PCM1: variants seen among roughly 807,000 people sequenced by gnomAD.
PCM1 encodes pericentriolar material 1 protein.
A neutral mutation model predicts 241.9 loss-of-function variants in PCM1; 157 were observed. The observed-to-expected ratio is 0.65, with a 90% CI of 0.57 to 0.74. PCM1 has a LOEUF of 0.74. PCM1 is among the 30% of genes least tolerant of loss of function. The pLI is 0.00. For missense variants in PCM1, 3,478 were observed against 2,360.1 expected (o/e 1.47, Z -9.81); for synonymous variants, 1,085 against 784.9 (o/e 1.38, Z -6.39).
intron 6 of PCM1, among the ~76,000 whole-genome samples, chr8:17,943,230 C>T (rs1352496733): frequency 1.5e-5 from 2 of 133,866 alleles, no homozygotes; most frequent in African/African-American, 5.5e-5. Context: ...GGTAAAACTT[C>T]ACCTCTAGTA....
At chr8:17,962,832 G>C (rs2073086495) in intron 16 of PCM1, 2 of 238,416 alleles carry the variant, frequency 8.4e-6, no homozygotes, top group Non-Finnish European at 1.6e-5. Flanking sequence ...GAACCTGGGA[G>C]GCAGAGGTTG....
Position 17,952,944 on chromosome 8 carries a change from C to T in PCM1, c.1072-26C>T, listed in dbSNP as rs200875267. ...TTTAATTGCGTTAGTCTTAATTCTT[C>T]TTTTTTGTTGTTTTTTTTTAATAAG... On this transcript the variant is annotated intron_variant, in intron 8 of 38. Coordinates refer to ENST00000325083, the MANE Select transcript of PCM1 (RefSeq NM_006197.4). 1,102 of 1,412,018 alleles carry T rather than the reference C, an allele frequency of 7.8e-4. 10 individuals are homozygous for T. The African/African-American group carries it at 0.014, about 18-fold the overall frequency. 87.5% of individuals were successfully genotyped at this position (1,412,018 alleles called of 1,614,324 possible). A position where few individuals can be genotyped will look rare whatever the true frequency, so the allele number is the denominator to read the frequency against.
chr8:18,027,149 G>C (rs1203804953), intron 38 of PCM1, among the ~76,000 whole-genome samples: 1 of 152,110 alleles, frequency 6.6e-6, no homozygotes, highest in African/African-American at 2.4e-5. Flanking sequence ...TGAGGAGAAG[G>C]AAAGACCCTT....
intron 29 of PCM1, among the ~76,000 whole-genome samples, chr8:18,001,827 C>T (rs1238287542): frequency 1.3e-5 from 2 of 151,962 alleles, no homozygotes; most frequent in Middle Eastern, 3.4e-3. Context: ...TGAGAAAGCA[C>T]CTGTAGAAAC....
chr8:17,955,312 T>A (rs2067776438), intron 9 of PCM1, among the ~76,000 whole-genome samples, 158 bp from the exon 10 acceptor site: 1 of 152,172 alleles, frequency 6.6e-6, no homozygotes, highest in Non-Finnish European at 1.5e-5. Flanking sequence ...TGTGTTTAAT[T>A]GTGGAGTAAG....
chr8:18,010,651 A>G lies in PCM1; in HGVS notation c.5203A>G (p.Ile1735Val). The G allele has an allele frequency of 6.2e-7, 1 of 1,601,984 alleles. No homozygotes were observed. The highest frequency in any genetic ancestry group is 1.1e-5 in the South Asian group (1 of 88,684). Residue 1735 changes from isoleucine (I) to valine (V), a missense_variant, in exon 32 of 39, where the codon ATT (isoleucine) becomes GTT (valine). By Grantham distance (29) the Ile-to-Val change is conservative (BLOSUM62 3). Coordinates refer to ENST00000325083, the MANE Select transcript of PCM1 (RefSeq NM_006197.4). ...AGATCATGGCTCACCTGCTGGAGAG[A>G]TTGATGATGAAGACAAAGTATGTGC... ...LEDHGSPAGE[I>V]DDEDKDKDET...
chr8:17,940,958 G>A (rs1355211340), intron 6 of PCM1, among the ~76,000 whole-genome samples: 1 of 152,132 alleles, frequency 6.6e-6, no homozygotes, highest in African/African-American at 2.4e-5. Context: ...TGTTCAAAAT[G>A]CCATTCAGCA....
Position 17,956,685 on chromosome 8 carries a change from A to C in PCM1, c.1554A>C (p.Thr518=). 1 of 1,601,368 alleles carries C rather than the reference A, an allele frequency of 6.2e-7. No individual in the cohort carries two copies. The highest frequency in any genetic ancestry group is 1.1e-5 in the South Asian group (1 of 89,866). The change falls in exon 11 of 39, where the codon ACA becomes ACC. Residue 518 remains threonine, a synonymous_variant. Transcript: ENST00000325083. The part of the protein sequence containing the change: ...HYYEQTSDMM[T]DAVNENRKDE... ...ATGAACAAACGTCAGACATGATGACAGATGCTGTGAATGAAAACAGGAAAG... is the reference window on the plus strand; with the variant it reads ...ATGAACAAACGTCAGACATGATGACCGATGCTGTGAATGAAAACAGGAAAG...
At chr8:17,929,364 C>T (rs948515880) in intron 2 of PCM1, among the ~76,000 whole-genome samples, 1 of 152,172 alleles carries the variant, frequency 6.6e-6, no homozygotes, top group Non-Finnish European at 1.5e-5. Context: ...TATTTAAGAT[C>T]TGGTCTTCTC....
chr8:17,930,607 G>A (rs1412686102), intron 2 of PCM1, among the ~76,000 whole-genome samples: 5 of 151,692 alleles, frequency 3.3e-5, no homozygotes, highest in Admixed American at 6.6e-5. Flanking sequence ...GGCCGGGTGC[G>A]GTGGCTCACG....
At position 17,969,764 on chromosome 8, in the gene PCM1, A is replaced by C. The variant is rs369369981; in HGVS notation, c.3584+16A>C. Reference sequence around the variant, plus strand: ...AGAAACCAAGGTACTGATTGTAAACAGTCTTTTATTGCTTAAACATTCACT... The same window carrying C: ...AGAAACCAAGGTACTGATTGTAAACCGTCTTTTATTGCTTAAACATTCACT... On this transcript the variant is annotated intron_variant, in intron 22 of 38. Transcript: ENST00000325083. The C allele has an allele frequency of 1.9e-6, 3 of 1,566,046 alleles. No homozygotes were observed. The highest frequency in any genetic ancestry group is 2.7e-5 in the African/African-American group (2 of 73,346).
rs184143055 is a variant in PCM1, at chr8:18,029,067, C to T, written c.*1405C>T. The T allele has an allele frequency of 1.2e-3, 204 of 174,888 alleles. 1 individual carries two copies. The highest frequency in any genetic ancestry group is 4.7e-3 in the Admixed American group (72 of 15,430). The allele number at this position is 174,888 out of a possible 1,614,324, so 10.8% of individuals were successfully genotyped here. ...TTGGGAGGCTAAGGCAGGAGAATAG[C>T]CTGAACCCGGGAGGTGGAGGTTGCA... is the stretch of plus-strand genomic sequence containing the variant. On this transcript the variant is annotated 3_prime_UTR_variant, in exon 39 of 39. Coordinates refer to ENST00000325083, the MANE Select transcript of PCM1 (RefSeq NM_006197.4).
intron 2 of PCM1, chr8:17,926,842 T>G (rs762410574): frequency 2.0e-5 from 3 of 152,174 alleles, no homozygotes; most frequent in African/African-American, 7.2e-5. Flanking sequence ...CAAAAACTTA[T>G]GATCAGAAAG....
At chr8:17,989,544 G>A (rs2083771125) in intron 26 of PCM1, among the ~76,000 whole-genome samples, 1 of 152,032 alleles carries the variant, frequency 6.6e-6, no homozygotes, top group South Asian at 2.1e-4. Flanking sequence ...ATAGGAGAAT[G>A]TCCCTGAGAG....
chr8:18,013,843 A>T, intron 34 of PCM1, 121 bp from the exon 35 acceptor site: 2 of 635,596 alleles, frequency 3.1e-6, no homozygotes, highest in Non-Finnish European at 5.5e-6. Flanking sequence ...GTTTTAGAAG[A>T]TACTTTTAAA....
chr8:18,017,828 G>A (rs954939596), intron 36 of PCM1, among the ~76,000 whole-genome samples: 2 of 152,068 alleles, frequency 1.3e-5, no homozygotes, highest in African/African-American at 4.8e-5. Context: ...ACTCCAGCCT[G>A]GGCAACAAGA....
rs1224050834 is a variant in PCM1, at chr8:17,991,609, G to T, written c.4599G>T (p.Glu1533Asp). Residue 1533 changes from glutamate (E) to aspartate (D), a missense_variant, in exon 28 of 39, where the codon GAG (glutamate) becomes GAT (aspartate). By Grantham distance (45) the Glu-to-Asp change is conservative. Transcript: ENST00000325083. ...RMREYERMKTEAESNSNMRCT... is the reference protein window; with the variant it reads ...RMREYERMKTDAESNSNMRCT... ...GAGAATATGAGCGTATGAAGACTGAGGCTGAAAGTAACTCAAATATGAGAT... is the reference window on the plus strand; with the variant it reads ...GAGAATATGAGCGTATGAAGACTGATGCTGAAAGTAACTCAAATATGAGAT... 4 of 1,590,158 alleles carry T rather than the reference G, an allele frequency of 2.5e-6. No homozygotes were observed. The South Asian group carries it at 4.6e-5, about 18-fold the overall frequency.
At chr8:17,927,617 C>G (rs2057485738) in intron 2 of PCM1, 1 of 152,150 alleles carries the variant, frequency 6.6e-6, no homozygotes, top group African/African-American at 2.4e-5. Context: ...GCAGCGCAGT[C>G]TTGGCTCACT....
intron 36 of PCM1, among the ~76,000 whole-genome samples, chr8:18,020,637 A>C (rs2129487858): frequency 6.6e-6 from 1 of 152,314 alleles, no homozygotes; most frequent in Middle Eastern, 3.4e-3. Context: ...CTATGAAAAA[A>C]CTGTAGAGAA....
Sources: gnomAD v4.1 joint callset for allele counts (sites outside exome capture counted in the v4.1 genomes callset) on GRCh38, gnomAD v4.1.1 for gene constraint, MANE v1.5 for transcripts, NCBI Gene and HGNC (gene_info 2026-07-23, HGNC 2026-07-21) for gene names.